Variants in HELZ2 observed in about 807,000 individuals in gnomAD.
The protein encoded by HELZ2 is 3'-5' exoribonuclease HELZ2.
In HELZ2, 143 loss-of-function variants were observed where a neutral mutation model predicts 208.8. That is an observed-to-expected ratio of 0.68 (90% CI 0.60 to 0.79). The LOEUF is 0.79. Ranked by LOEUF, HELZ2 falls within the 30% of genes least tolerant of loss-of-function variation. HELZ2 has a pLI of 0.00. For missense variants in HELZ2, 3,690 were observed against 3,794.5 expected (o/e 0.97, Z 0.72); for synonymous variants, 1,705 against 1,693.7 (o/e 1.01, Z -0.16).
At chr20:63,574,002 G>T (rs2083035656), upstream of HELZ2, among the ~76,000 whole-genome samples, 1 of 152,022 alleles carries the variant, frequency 6.6e-6, no homozygotes, top group African/African-American at 2.4e-5. Context: ...TCCTGGACGG[G>T]CTGCACTGCC....
chr20:63,569,223 G>A (rs6090457), exon 4 of HELZ2: 334,737 of 1,555,184 alleles, frequency 0.22, 41,401 homozygotes, highest in East Asian at 0.56. Context: ...GTTGGTTGGT[G>A]AGATGGGGCC....
At chr20:63,568,555 G>A (rs1321142003) in exon 5 of HELZ2, 2 of 1,586,162 alleles carry the variant, frequency 1.3e-6, no homozygotes, top group Admixed American at 3.6e-5. Flanking sequence ...CACGCCGCAA[G>A]GGTGGGACAG....
exon 16 of HELZ2, chr20:63,560,578 G>A (rs866193687): frequency 1.2e-6 from 2 of 1,612,678 alleles, no homozygotes; most frequent in Middle Eastern, 1.6e-4. Context: ...GGCCAAAGAT[G>A]ACAGGGCAGC....
At chr20:63,559,299 G>C in exon 19 of HELZ2, 1 of 1,597,994 alleles carries the variant, frequency 6.3e-7, no homozygotes, top group South Asian at 1.1e-5. Flanking sequence ...GCAGGCACGA[G>C]GGTCTGCTGA....
At chr20:63,559,199 T>C, downstream of HELZ2, 1 of 1,472,576 alleles carries the variant, frequency 6.8e-7, no homozygotes, top group Non-Finnish European at 9.1e-7. Flanking sequence ...GGGGGGGCCC[T>C]GGACTTTCCC....
At chr20:63,564,597 C>T in exon 8 of HELZ2, 1 of 1,566,474 alleles carries the variant, frequency 6.4e-7, no homozygotes, top group Non-Finnish European at 8.6e-7. Context: ...CAGAGGCTGG[C>T]CGGCAGCATG....
At chr20:63,565,201 G>T in exon 8 of HELZ2, 1 of 1,608,326 alleles carries the variant, frequency 6.2e-7, no homozygotes. Context: ...ACGTGTCCAT[G>T]CGGCACACAA....
At chr20:63,559,094 C>T (rs2082846924), downstream of HELZ2, 5 of 848,618 alleles carry the variant, frequency 5.9e-6, no homozygotes, top group East Asian at 8.6e-5. Context: ...TGCCGTTCCT[C>T]CTCCAAGTCC....
At chr20:63,566,312 G>A in intron 7 of HELZ2, 66 bp downstream of exon 8, 2 of 1,516,040 alleles carry the variant, frequency 1.3e-6, no homozygotes, top group East Asian at 2.5e-5. Context: ...CCAGGCTGAG[G>A]AGTGGGCCGA....
At chr20:63,562,597 C>T (rs1174006727) in exon 8 of HELZ2, 1 of 1,599,228 alleles carries the variant, frequency 6.3e-7, no homozygotes, top group Admixed American at 1.7e-5. Flanking sequence ...GAACCTTCTC[C>T]ATGCCCATGT....
chr20:63,559,876 G>A (rs2082865678), intron 18 of HELZ2, 52 bp downstream of exon 19: 1 of 1,586,606 alleles, frequency 6.3e-7, no homozygotes, highest in Non-Finnish European at 8.6e-7. Context: ...CCCTAGCCCA[G>A]CCCTGGCCTC....
chr20:63,563,381 G>A (rs1268749989), exon 8 of HELZ2: 1 of 1,536,916 alleles, frequency 6.5e-7, no homozygotes, highest in South Asian at 1.2e-5. Context: ...GTCCGGCACA[G>A]TGCCAGGCAG....
At chr20:63,567,428 C>A (rs770754974) in exon 6 of HELZ2, 4 of 1,565,558 alleles carry the variant, frequency 2.6e-6, no homozygotes, top group Middle Eastern at 1.7e-4. Flanking sequence ...GTGGTGACCA[C>A]CACGCGGTGC....
At chr20:63,562,848 C>G (rs750388568) in exon 8 of HELZ2, 4 of 1,609,138 alleles carry the variant, frequency 2.5e-6, no homozygotes, top group Admixed American at 1.7e-5. Flanking sequence ...TCGAGGAAGG[C>G]GGCCTCCAGG....
upstream of HELZ2, among the ~76,000 whole-genome samples, chr20:63,573,826 C>T (rs2083034620): frequency 6.6e-6 from 1 of 152,266 alleles, no homozygotes; most frequent in African/African-American, 2.4e-5. This position sits in a 1 kb window ranked among gnomAD's most constrained non-coding sequence, Gnocchi z 4.9. Flanking sequence ...TTAAAAGCAA[C>T]AGACTGGAGG....
At chr20:63,559,999 A>G in exon 18 of HELZ2, 1 of 1,612,334 alleles carries the variant, frequency 6.2e-7, no homozygotes. Flanking sequence ...AACGAAGCCC[A>G]GAAACTTCTT....
At position 63,565,713 on chromosome 20, in the gene HELZ2, C is replaced by T. The variant is rs374608611; in HGVS notation, c.3109G>A (p.Gly1037Arg). The change falls in exon 8 of 19, where the codon GGG (glycine) becomes AGG (arginine). Residue 1037 changes from glycine (G) to arginine (R), a missense_variant. Physicochemically the swap from Gly to Arg is moderately radical, Grantham distance 125. This residue lies in a region of HELZ2 where 2,564 missense variants were observed against 2,580.5 expected (regional missense o/e 0.99). Coordinates refer to ENST00000467148, the Ensembl canonical transcript of HELZ2. ...GCAGCCGCTCCTGCCGCACAGGCCC[C>T]GGGCACCACGTCTTCCTTCACTGCG... 2.6e-5 allele frequency: 42 copies of T among 1,606,696 alleles called. No homozygotes were observed. The highest frequency in any genetic ancestry group is 2.5e-4 in the East Asian group (11 of 44,890).
At chr20:63,564,022 G>A in exon 8 of HELZ2, 1 of 1,605,314 alleles carries the variant, frequency 6.2e-7, no homozygotes. Flanking sequence ...TCCAGAGGGA[G>A]GCCAGGAGGT....
At chr20:63,574,072 C>CCCCCCCCTCCG (rs1569040111), upstream of HELZ2, 3 of 134,558 alleles carry the variant, frequency 2.2e-5, no homozygotes, top group Non-Finnish European at 5.0e-5. Context: ...CCCTCCCGGA[C>CCCCCCCCTCCG]CCCCCCCTCC....
Sources: gnomAD v4.1 joint callset for allele counts (sites outside exome capture counted in the v4.1 genomes callset) on GRCh38, gnomAD v4.1.1 for gene constraint, gnomAD v4.1.1 regional missense constraint, Gnocchi (gnomAD v3.1) non-coding constraint, MANE v1.5 for transcripts, NCBI Gene and HGNC (gene_info 2026-07-23, HGNC 2026-07-21) for gene names.